The following SGCD variants were observed in gnomAD, a reference collection of about 807,000 sequenced individuals.
The protein encoded by SGCD is sarcoglycan delta, also known as delta-sarcoglycan.
A neutral mutation model predicts 36.6 loss-of-function variants in SGCD; 18 were observed. That is an observed-to-expected ratio of 0.49 (90% CI 0.34 to 0.73). The LOEUF (loss-of-function observed/expected upper bound fraction) is 0.73. SGCD is among the 30% of genes least tolerant of loss of function. The pLI, the probability that SGCD is intolerant of heterozygous loss-of-function variation, is 0.01. For missense variants in SGCD, 387 were observed against 346.7 expected, an observed-to-expected ratio of 1.12 and a Z score of -0.92; for synonymous variants, 133 against 130.6, an observed-to-expected ratio of 1.02 and a Z score of -0.12.
At chr5:156,431,668 AG>A (rs1365259549) in intron 3 of SGCD, among the ~76,000 whole-genome samples, 2 of 152,088 alleles carry the variant, frequency 1.3e-5, no homozygotes, top group African/African-American at 4.8e-5. Flanking sequence ...CCCTTCCCTT[AG>A]GAATGGGGCT....
intron 4 of SGCD, among the ~76,000 whole-genome samples, chr5:156,587,284 G>A (rs1030528963): frequency 6.6e-6 from 1 of 152,128 alleles, no homozygotes; most frequent in African/African-American, 2.4e-5. Flanking sequence ...CCTGAATGTG[G>A]GAGTTGTTGT....
intron 6 of SGCD, among the ~76,000 whole-genome samples, chr5:156,637,808 G>A (rs1762885420): frequency 6.6e-6 from 1 of 152,204 alleles, no homozygotes; most frequent in East Asian, 1.9e-4. Context: ...CACCTATAAA[G>A]CATGCTCATT....
intron 2 of SGCD, among the ~76,000 whole-genome samples, chr5:156,340,341 A>T (rs1044352727): frequency 5.9e-5 from 9 of 152,162 alleles, no homozygotes; most frequent in African/African-American, 2.2e-4. Context: ...TGACCATTGT[A>T]GGTCGTGTTT....
At chr5:156,537,642 A>G (rs920879565) in intron 4 of SGCD, among the ~76,000 whole-genome samples, 17 of 151,988 alleles carry the variant, frequency 1.1e-4, no homozygotes, top group African/African-American at 3.9e-4. Flanking sequence ...TTGGAGTTCT[A>G]TATCAATTTT....
chr5:155,920,545 G>A (rs1280978232), intron 1 of SGCD, among the ~76,000 whole-genome samples: 1 of 152,146 alleles, frequency 6.6e-6, no homozygotes, highest in Admixed American at 6.5e-5. Flanking sequence ...AAGTGAGGAA[G>A]GGAGGAAATG....
chr5:156,221,033 T>A (rs1285671822), intron 3 of SGCD, among the ~76,000 whole-genome samples: 1 of 152,118 alleles, frequency 6.6e-6, no homozygotes, highest in Non-Finnish European at 1.5e-5. Context: ...AATGAATGAA[T>A]TACCTGTCAT....
intron 7 of SGCD, among the ~76,000 whole-genome samples, chr5:156,726,286 C>T (rs181596567): frequency 2.9e-4 from 44 of 152,238 alleles, no homozygotes; most frequent in East Asian, 5.8e-4. Flanking sequence ...GAAAATAGCA[C>T]GGGCATCTGG....
chr5:155,970,564 A>T (rs961979160), intron 1 of SGCD, among the ~76,000 whole-genome samples: 1 of 152,196 alleles, frequency 6.6e-6, no homozygotes, highest in African/African-American at 2.4e-5. Context: ...TTTTATTCTT[A>T]ATACAAATCA....
At chr5:156,414,277 GC>G (rs1319812354) in intron 3 of SGCD, among the ~76,000 whole-genome samples, 1 of 152,146 alleles carries the variant, frequency 6.6e-6, no homozygotes, top group Non-Finnish European at 1.5e-5. Context: ...ATCTTTAAAT[GC>G]CTTTTGATTT....
At chr5:156,181,914 A>G (rs896806895) in intron 3 of SGCD, among the ~76,000 whole-genome samples, 3 of 152,210 alleles carry the variant, frequency 2.0e-5, no homozygotes, top group African/African-American at 7.2e-5. Flanking sequence ...TCTGTGACTG[A>G]GCATGTCATA....
intron 3 of SGCD, among the ~76,000 whole-genome samples, chr5:156,420,652 G>GT (rs1258937595): frequency 2.6e-5 from 4 of 152,056 alleles, no homozygotes; most frequent in Non-Finnish European, 5.9e-5. Flanking sequence ...CCGTGCTCAG[G>GT]TTTTTGCTGA....
At chr5:156,277,201 GT>G (rs1194261275) in intron 3 of SGCD, among the ~76,000 whole-genome samples, 6 of 152,184 alleles carry the variant, frequency 3.9e-5, no homozygotes, top group African/African-American at 1.4e-4. Context: ...AGCCTTACCT[GT>G]CCCTCTGCCC....
chr5:156,413,257 A>C (rs1772864405), intron 3 of SGCD, among the ~76,000 whole-genome samples: 1 of 152,230 alleles, frequency 6.6e-6, no homozygotes, highest in Non-Finnish European at 1.5e-5. Flanking sequence ...TATTTGGATC[A>C]AATGTTCAAA....
At chr5:156,250,069 T>C (rs1191198518) in intron 3 of SGCD, among the ~76,000 whole-genome samples, 2 of 152,216 alleles carry the variant, frequency 1.3e-5, no homozygotes, top group Non-Finnish European at 2.9e-5. Flanking sequence ...CTCTCCTAGA[T>C]TTTTGTAACT....
chr5:155,868,220 T>C (rs1755559612), upstream of SGCD, among the ~76,000 whole-genome samples: 2 of 152,030 alleles, frequency 1.3e-5, no homozygotes, highest in Admixed American at 1.3e-4. Context: ...CCTGGCTAAT[T>C]TTTGTATTTT....
At chr5:156,637,171 C>T (rs1036173497) in intron 6 of SGCD, among the ~76,000 whole-genome samples, 1 of 152,080 alleles carries the variant, frequency 6.6e-6, no homozygotes, top group African/African-American at 2.4e-5. Flanking sequence ...CCCCATTTTG[C>T]TCAGCACTTC....
chr5:156,075,702 G>T (rs1158975528), intron 1 of SGCD, among the ~76,000 whole-genome samples: 1 of 152,186 alleles, frequency 6.6e-6, no homozygotes, highest in Admixed American at 6.5e-5. Flanking sequence ...TAATTCAAGT[G>T]TGGGGTGATA....
At chr5:156,507,010 A>G (rs575779375) in intron 3 of SGCD, among the ~76,000 whole-genome samples, 1 of 152,278 alleles carries the variant, frequency 6.6e-6, no homozygotes, top group East Asian at 1.9e-4. Context: ...CATGGCAAAA[A>G]TTGTTATGTG....
intron 3 of SGCD, among the ~76,000 whole-genome samples, chr5:156,211,559 G>A (rs941684499): frequency 6.7e-6 from 1 of 148,420 alleles, no homozygotes; most frequent in Non-Finnish European, 1.5e-5. Flanking sequence ...AGTGAGCCGA[G>A]ATCGTGCCAC....
Sources: allele counts gnomAD v4.1 joint callset (sites outside exome capture counted in the v4.1 genomes callset), GRCh38; gene constraint gnomAD v4.1.1; transcripts MANE v1.5; gene names NCBI Gene and HGNC (gene_info 2026-07-23, HGNC 2026-07-21).